The following NRXN3 variants were observed in gnomAD, a reference collection of about 807,000 sequenced individuals.
NRXN3 encodes neurexin 3, also known as neurexin III.
NRXN3 carries 32 observed loss-of-function variants against 137.6 expected under a neutral mutation model. That is an observed-to-expected ratio of 0.23 (90% CI 0.18 to 0.31). The LOEUF is 0.31. Among genes scored for constraint, NRXN3 ranks in the 10% least tolerant of loss-of-function variants. NRXN3 has a pLI of 1.00. For missense variants in NRXN3, 1,574 were observed against 2,062.5 expected (o/e 0.76, Z 4.59); for synonymous variants, 798 against 784.5 (o/e 1.02, Z -0.29).
chr14:78,300,201 A>G (rs902111378), intron 4 of NRXN3, among the ~76,000 whole-genome samples: 8 of 152,244 alleles, frequency 5.3e-5, no homozygotes, highest in African/African-American at 1.4e-4. Flanking sequence ...TACAACACCT[A>G]TACATGTGTG....
intron 8 of NRXN3, among the ~76,000 whole-genome samples, chr14:78,757,173 C>A (rs117501552): frequency 6.6e-6 from 1 of 151,840 alleles, no homozygotes; most frequent in African/African-American, 2.4e-5. Flanking sequence ...TTTGGGAGGC[C>A]GAGGGGGGCA....
intron 15 of NRXN3, among the ~76,000 whole-genome samples, chr14:79,438,713 T>C (rs1171687624): frequency 2.0e-5 from 3 of 152,228 alleles, no homozygotes; most frequent in African/African-American, 4.8e-5. Context: ...CTCAAGGGAA[T>C]GTGAAATAAA....
chr14:79,781,089 T>A (rs2099112465), intron 19 of NRXN3, among the ~76,000 whole-genome samples: 1 of 152,084 alleles, frequency 6.6e-6, no homozygotes, highest in African/African-American at 2.4e-5. Flanking sequence ...TACATAGAAG[T>A]CTACTTTGTT....
chr14:78,481,635 A>T (rs907362104), intron 4 of NRXN3, among the ~76,000 whole-genome samples: 12 of 152,230 alleles, frequency 7.9e-5, no homozygotes, highest in Non-Finnish European at 1.5e-4. Context: ...CAGGAGGAGA[A>T]GTGATAGGTA....
intron 10 of NRXN3, among the ~76,000 whole-genome samples, chr14:78,918,597 A>G (rs181753647): frequency 8.6e-4 from 131 of 152,314 alleles, no homozygotes; most frequent in African/African-American, 3.1e-3. Flanking sequence ...AAGTACCATA[A>G]AAAGGCCCTT....
At chr14:78,287,361 T>C (rs1287876578) in intron 3 of NRXN3, among the ~76,000 whole-genome samples, 5 of 152,180 alleles carry the variant, frequency 3.3e-5, no homozygotes, top group Non-Finnish European at 7.3e-5. Context: ...CCTTATCTGC[T>C]ACCGTGGGCA....
intron 16 of NRXN3, chr14:79,611,338 G>A (rs1159015103): frequency 1.3e-5 from 2 of 152,248 alleles, no homozygotes; most frequent in East Asian, 1.9e-4. Flanking sequence ...TTAATGTTGT[G>A]CCTGTAATCC....
At chr14:78,182,660 G>A (rs1022906152) in intron 1 of NRXN3, among the ~76,000 whole-genome samples, 4 of 152,060 alleles carry the variant, frequency 2.6e-5, no homozygotes, top group Non-Finnish European at 4.4e-5. Flanking sequence ...TAGTAGAGAC[G>A]GGGTTGCTCC....
intron 6 of NRXN3, chr14:78,695,577 C>T (rs1352325988): frequency 6.6e-6 from 1 of 151,974 alleles, no homozygotes; most frequent in Admixed American, 6.6e-5. Flanking sequence ...GGAAAATAAG[C>T]CATTAATTAA....
At chr14:79,345,105 T>G (rs1404706360) in intron 15 of NRXN3, among the ~76,000 whole-genome samples, 2 of 152,182 alleles carry the variant, frequency 1.3e-5, no homozygotes, top group Non-Finnish European at 2.9e-5. Flanking sequence ...TTTGTTTTAT[T>G]AAATTCTTTT....
chr14:78,448,152 A>G (rs545508946), intron 4 of NRXN3, among the ~76,000 whole-genome samples: 2 of 152,300 alleles, frequency 1.3e-5, no homozygotes, highest in Non-Finnish European at 2.9e-5. Flanking sequence ...ATAGTCTATC[A>G]TCTTTACTGT....
intron 4 of NRXN3, among the ~76,000 whole-genome samples, chr14:78,503,516 G>C (rs1342956883): frequency 1.3e-5 from 2 of 152,148 alleles, no homozygotes; most frequent in African/African-American, 4.8e-5. Context: ...GACCAGTGTG[G>C]GGCAAGCCCA....
At chr14:79,734,234 A>C (rs117424478) in intron 19 of NRXN3, among the ~76,000 whole-genome samples, 1 of 152,332 alleles carries the variant, frequency 6.6e-6, no homozygotes, top group Non-Finnish European at 1.5e-5. Context: ...ACCTGCTGAT[A>C]ATGGAGGATC....
chr14:78,767,831 C>T (rs1450735667), intron 8 of NRXN3, among the ~76,000 whole-genome samples: 1 of 152,070 alleles, frequency 6.6e-6, no homozygotes, highest in Non-Finnish European at 1.5e-5. Context: ...TCCCAGTGGG[C>T]TAGAAGTATG....
intron 10 of NRXN3, among the ~76,000 whole-genome samples, chr14:78,915,626 G>C (rs943287240): frequency 6.6e-6 from 1 of 152,112 alleles, no homozygotes; most frequent in Non-Finnish European, 1.5e-5. Context: ...AGACAGGATT[G>C]CTTAATTCTC....
intron 15 of NRXN3, among the ~76,000 whole-genome samples, chr14:79,078,097 A>AT (rs989388798): frequency 2.6e-5 from 4 of 151,908 alleles, no homozygotes; most frequent in Middle Eastern, 3.4e-3. Context: ...TTCTGATGTT[A>AT]TTTTTTTTGT....
At chr14:79,403,327 T>A (rs570767864) in intron 15 of NRXN3, among the ~76,000 whole-genome samples, 7 of 152,234 alleles carry the variant, frequency 4.6e-5, no homozygotes, top group Non-Finnish European at 1.0e-4. Context: ...AATTACCATA[T>A]GATAAAGAAC....
Position 79,862,165 on chromosome 14 carries a change from G to A in NRXN3, c.*201G>A. ...GCATCTCTCTCTAAAGCTCAGCCAC[G>A]GCTGCGGCAAGGTCCCAGCGGTCGC... On this transcript the variant is annotated 3_prime_UTR_variant, in exon 21 of 21. Coordinates refer to ENST00000335750, the MANE Select transcript of NRXN3 (RefSeq NM_001330195.2). 1 of 556,090 alleles carries A rather than the reference G, an allele frequency of 1.8e-6. No homozygotes were observed. The highest frequency in any genetic ancestry group is 2.2e-5 in the South Asian group (1 of 45,194). 34.4% of individuals were successfully genotyped at this position (556,090 alleles called of 1,614,324 possible).
At chr14:78,981,769 G>A (rs890116300) in intron 14 of NRXN3, among the ~76,000 whole-genome samples, 2 of 152,110 alleles carry the variant, frequency 1.3e-5, no homozygotes, top group Non-Finnish European at 2.9e-5. Context: ...TAGATGTTTA[G>A]TGGGAAGCAC....
Sources: allele counts gnomAD v4.1 joint callset (sites outside exome capture counted in the v4.1 genomes callset), GRCh38; gene constraint gnomAD v4.1.1; transcripts MANE v1.5; gene names NCBI Gene and HGNC (gene_info 2026-07-23, HGNC 2026-07-21).